MAGI2: variants seen among roughly 807,000 people sequenced by gnomAD.
MAGI2 encodes membrane-associated guanylate kinase, WW and PDZ domain-containing protein 2.
Under a neutral mutation model 133.3 loss-of-function variants are expected in MAGI2, and 35 were observed. The ratio of observed to expected loss-of-function variants is 0.26; its 90% confidence interval spans 0.20 to 0.35. The LOEUF (loss-of-function observed/expected upper bound fraction) is 0.35, where lower values mean the gene tolerates loss of function less well. Ranked by LOEUF, MAGI2 falls within the 10% of genes least tolerant of loss-of-function variation. The pLI, the probability that MAGI2 is intolerant of heterozygous loss-of-function variation, is 1.00. For missense variants in MAGI2, 1,636 were observed against 1,863.4 expected, an observed-to-expected ratio of 0.88 and a Z score of 2.25; for synonymous variants, 729 against 710.6, an observed-to-expected ratio of 1.03 and a Z score of -0.41.
intron 20 of MAGI2, among the ~76,000 whole-genome samples, chr7:78,099,957 G>A (rs1818055929): frequency 6.6e-6 from 1 of 152,150 alleles, no homozygotes; most frequent in African/African-American, 2.4e-5. Flanking sequence ...TTTAAAAAAT[G>A]AGTCACTGAT....
At chr7:78,176,908 G>GAGACACACAC (rs1554487219) in intron 14 of MAGI2, among the ~76,000 whole-genome samples, 2 of 130,432 alleles carry the variant, frequency 1.5e-5, no homozygotes, top group African/African-American at 5.7e-5. Flanking sequence ...ACCATATATA[G>GAGACACACAC]ACACACACAC....
intron 1 of MAGI2, among the ~76,000 whole-genome samples, chr7:79,146,160 G>T (rs2129546585): frequency 6.6e-6 from 1 of 152,220 alleles, no homozygotes; most frequent in South Asian, 2.1e-4. Context: ...TGCTTATTGT[G>T]TAAGCTTTAA....
chr7:79,417,208 T>G (rs761577910), intron 1 of MAGI2, among the ~76,000 whole-genome samples: 8 of 152,192 alleles, frequency 5.3e-5, no homozygotes, highest in Non-Finnish European at 1.0e-4. Flanking sequence ...ACACATTATA[T>G]CTAATTGGTT....
intron 20 of MAGI2, among the ~76,000 whole-genome samples, chr7:78,099,296 T>C (rs1817994155): frequency 6.6e-6 from 1 of 152,172 alleles, no homozygotes; most frequent in Non-Finnish European, 1.5e-5. Context: ...TTTTTAACCA[T>C]TTGACATTTT....
intron 6 of MAGI2, among the ~76,000 whole-genome samples, chr7:78,454,552 C>A (rs937763098): frequency 4.6e-5 from 7 of 152,190 alleles, no homozygotes; most frequent in Admixed American, 1.3e-4. Context: ...TATGATCCAG[C>A]AATCGCATTC....
intron 6 of MAGI2, among the ~76,000 whole-genome samples, chr7:78,470,712 A>G (rs1791110167): frequency 6.6e-6 from 1 of 152,192 alleles, no homozygotes; most frequent in Non-Finnish European, 1.5e-5. Flanking sequence ...CACAGAAAAT[A>G]GAAACATAGA....
intron 18 of MAGI2, 73 bp from the exon 19 acceptor site, chr7:78,127,489 C>T: frequency 8.5e-7 from 1 of 1,178,452 alleles, no homozygotes; most frequent in Non-Finnish European, 1.2e-6. Context: ...ACACGGCCTC[C>T]AGAGGTGGGC....
At chr7:78,266,854 G>C (rs1794070423) in intron 9 of MAGI2, among the ~76,000 whole-genome samples, 1 of 152,082 alleles carries the variant, frequency 6.6e-6, no homozygotes, top group African/African-American at 2.4e-5. Context: ...TTACAGGTGT[G>C]AGCCACCATG....
chr7:78,637,160 A>G (rs1014083196), intron 2 of MAGI2, among the ~76,000 whole-genome samples: 1 of 152,226 alleles, frequency 6.6e-6, no homozygotes, highest in Non-Finnish European at 1.5e-5. Flanking sequence ...ATAGCCATGT[A>G]CCGGATTCAC....
rs1328942914 is a variant in MAGI2, at chr7:78,293,195, G to C, written c.1409-36614C>G. 3.3e-5 allele frequency among the ~76,000 whole-genome samples: 5 copies of C among 152,236 alleles called. No homozygotes were observed. The East Asian group carries it at 7.7e-4, about 23-fold the overall frequency. ...TTTATAGTCTACCCATCTGACAAAG[G>C]CCTAATATCCAGAATCTACAAAGAA... On this transcript the variant is annotated intron_variant, in intron 9 of 21. Transcript: ENST00000354212.
intron 1 of MAGI2, among the ~76,000 whole-genome samples, chr7:79,095,009 A>C (rs58463574): frequency 0.014 from 2,097 of 152,314 alleles, 51 homozygotes; most frequent in African/African-American, 0.047. Context: ...GTCTGGCCTT[A>C]GAATCTTTGA....
intron 1 of MAGI2, among the ~76,000 whole-genome samples, chr7:79,204,659 T>C (rs1828887147): frequency 6.6e-6 from 1 of 151,818 alleles, no homozygotes; most frequent in African/African-American, 2.4e-5. Flanking sequence ...GACAAAGAAT[T>C]CAAAACAAAT....
rs996470189 is a variant in MAGI2 at position 79,192,184 on chromosome 7, A to G, written c.302-184978T>C. Among the ~76,000 whole-genome samples, 46 of 151,672 alleles carry G rather than the reference A, an allele frequency of 3.0e-4. 1 individual carries two copies. The highest frequency in any genetic ancestry group is 1.0e-3 in the African/African-American group (43 of 41,190). ...CCTATTTTTTACCATAGAACTTATC[A>G]CCATTTGACGTACTTTACCTTTCAG... On this transcript the variant is annotated intron_variant, in intron 1 of 21. Coordinates refer to ENST00000354212, the MANE Select transcript of MAGI2 (RefSeq NM_012301.4).
chr7:79,451,565 G>A (rs1849251871), intron 1 of MAGI2, among the ~76,000 whole-genome samples: 1 of 152,068 alleles, frequency 6.6e-6, no homozygotes, highest in African/African-American at 2.4e-5. Flanking sequence ...TAATACTCAA[G>A]AATACCCAAG....
chr7:78,458,749 T>C lies in MAGI2; in HGVS notation c.1045+31012A>G, dbSNP rs550234849. Among the ~76,000 whole-genome samples the C allele has an allele frequency of 1.6e-4, 24 of 152,042 alleles. No individual in the cohort carries two copies. In the South Asian group the frequency reaches 5.0e-3, roughly 32 times the overall value. On this transcript the variant is annotated intron_variant, in intron 6 of 21. Transcript: ENST00000354212. Reference sequence around the variant, plus strand: ...TCCTGGGTTCATGACATTCTCCTGCTTCAGCCTCCCGAGTAGGTGGGACTA... The same window carrying C: ...TCCTGGGTTCATGACATTCTCCTGCCTCAGCCTCCCGAGTAGGTGGGACTA...
At chr7:79,381,269 C>G (rs1261090861) in intron 1 of MAGI2, among the ~76,000 whole-genome samples, 1 of 151,594 alleles carries the variant, frequency 6.6e-6, no homozygotes, top group East Asian at 1.9e-4. Context: ...TCTTTCTTCT[C>G]TATGTCAACA....
intron 10 of MAGI2, among the ~76,000 whole-genome samples, chr7:78,240,750 T>C (rs11764343): frequency 0.47 from 71,150 of 152,000 alleles, 19,162 homozygotes; most frequent in Non-Finnish European, 0.6. Flanking sequence ...GATGATGATA[T>C]ACCATATTCT....
At chr7:78,461,068 T>TC (rs570260859) in intron 6 of MAGI2, among the ~76,000 whole-genome samples, 26 of 152,184 alleles carry the variant, frequency 1.7e-4, no homozygotes, top group African/African-American at 6.0e-4. Context: ...CCTCTTTTCA[T>TC]CCCCCCATTG....
chr7:78,721,140 A>C (rs927526499), intron 2 of MAGI2, among the ~76,000 whole-genome samples: 1 of 152,008 alleles, frequency 6.6e-6, no homozygotes, highest in Admixed American at 6.6e-5. Flanking sequence ...TAGGAAATCT[A>C]TGTATTCTGT....
Sources: allele counts gnomAD v4.1 joint callset (sites outside exome capture counted in the v4.1 genomes callset), GRCh38; gene constraint gnomAD v4.1.1; transcripts MANE v1.5; gene names NCBI Gene and HGNC (gene_info 2026-07-23, HGNC 2026-07-21).